MCF2L: variants seen among roughly 807,000 people sequenced by gnomAD.
MCF2L encodes MCF.2 cell line derived transforming sequence like.
In MCF2L, 97 loss-of-function variants were observed where a neutral mutation model predicts 153.4. That is an observed-to-expected ratio of 0.63 (90% CI 0.54 to 0.75). The LOEUF (loss-of-function observed/expected upper bound fraction) is 0.75. Ranked by LOEUF, MCF2L falls within the 30% of genes least tolerant of loss-of-function variation. The pLI is 0.00. For synonymous variants in MCF2L, 659 were observed against 632.2 expected (o/e 1.04, Z -0.64); for missense variants, 1,347 against 1,495.2 (o/e 0.90, Z 1.64).
rs113280407 is a variant in MCF2L at position 112,998,392 on chromosome 13, C to T, written c.80-16371C>T. On this transcript the variant is annotated intron_variant, in intron 1 of 29. Coordinates refer to ENST00000535094, the MANE Select transcript of MCF2L (RefSeq NM_001112732.3). ...GGAGGCCGTGAGCCACAGGCCTGGC[C>T]GGGGCTGTTGGGGAAATGGGCTGGG... Among the ~76,000 whole-genome samples, 5 of 152,144 alleles carry T rather than the reference C, an allele frequency of 3.3e-5. 1 individual carries two copies. Among genetic ancestry groups the T allele is most frequent in the African/African-American group, 9.6e-5 (4 of 41,494 alleles).
chr13:113,022,772 C>CGT (rs2084972342), intron 2 of MCF2L, among the ~76,000 whole-genome samples: 1 of 152,232 alleles, frequency 6.6e-6, no homozygotes, highest in African/African-American at 2.4e-5. Context: ...GAGCCCCCAC[C>CGT]GCGGCGGCGG....
At chr13:112,984,337 C>T (rs1213363895) in intron 1 of MCF2L, among the ~76,000 whole-genome samples, 3 of 151,832 alleles carry the variant, frequency 2.0e-5, no homozygotes, top group South Asian at 2.1e-4. Flanking sequence ...TGGGTTCAAG[C>T]GATTCTCCTG....
chr13:112,908,646 T>C (rs2081196781), intron 2 of MCF2L, among the ~76,000 whole-genome samples: 1 of 152,204 alleles, frequency 6.6e-6, no homozygotes, highest in Non-Finnish European at 1.5e-5. Context: ...GAAACTGTGT[T>C]TGACATGACA....
In MCF2L at chr13:112,913,061, A is replaced by G. The variant is rs369063312; in HGVS notation, c.169+10690A>G. The stretch of plus-strand genomic sequence containing the variant: ...GTGTGTCTGTGGTGTATCTGTGTAT[A>G]TGGGGTGTGTCTGTGTGATTGTGTG... On this transcript the variant is annotated intron_variant, in intron 2 of 29. Coordinates refer to the MCF2L transcript ENST00000375608. Among the ~76,000 whole-genome samples the G allele has an allele frequency of 1.1e-3, 154 of 140,230 alleles. 3 individuals carry two copies. The South Asian group carries it at 0.033, about 30-fold the overall frequency. 92.0% of individuals were successfully genotyped at this position (140,230 alleles called of 152,430 possible).
In MCF2L at chr13:113,082,540, C is replaced by T. The variant is rs1382019911; in HGVS notation, c.1989C>T (p.Asn663=). 1.9e-6 allele frequency: 3 copies of T among 1,601,860 alleles called. No individual in the cohort carries two copies. The highest frequency in any genetic ancestry group is 1.3e-5 in the African/African-American group (1 of 74,694). Residue 663 remains asparagine, a splice_region_variant and synonymous_variant, in exon 17 of 30, where the codon AAC becomes AAT. Transcript: ENST00000535094. Reference sequence around the variant, plus strand: ...TGGAGGAAATCTATCACTTCCACAACAGGTGGGCCCTTCCCCCCGACACAG... The same window carrying T: ...TGGAGGAAATCTATCACTTCCACAATAGGTGGGCCCTTCCCCCCGACACAG... The part of the protein sequence containing the change: ...GNMEEIYHFH[N]RIFLRELENY...
Position 113,075,000 on chromosome 13 carries a change from G to A in MCF2L, c.1119G>A (p.Val373=). The A allele has an allele frequency of 6.3e-7, 1 of 1,597,266 alleles. No individual in the cohort carries two copies. Among genetic ancestry groups the A allele is most frequent in the East Asian group, 2.3e-5 (1 of 44,398 alleles). The change falls in exon 11 of 30, where the codon GTG becomes GTA. Residue 373 remains valine (V), a splice_region_variant and synonymous_variant. Transcript: ENST00000535094. The surrounding 1 kb of genome is among the most constrained non-coding windows in gnomAD (Gnocchi z 4.2). ...GTCCTCTGGGTGGCCGTCCACAGGTGGCCGTGGAGAGGGCCCGGGCCCTGT... is the reference window on the plus strand; with the variant it reads ...GTCCTCTGGGTGGCCGTCCACAGGTAGCCGTGGAGAGGGCCCGGGCCCTGT... The part of the protein sequence containing the change: ...DLASFEEKSG[V]AVERARALSL...
intron 4 of MCF2L, among the ~76,000 whole-genome samples, chr13:113,049,057 A>G (rs1194188516): frequency 1.3e-5 from 2 of 152,164 alleles, no homozygotes; most frequent in Non-Finnish European, 2.9e-5. Context: ...CGCCGCCTCC[A>G]GAAGGGTTTG....
intron 2 of MCF2L, among the ~76,000 whole-genome samples, chr13:112,916,888 G>A (rs1301428998): frequency 3.3e-5 from 5 of 151,996 alleles, no homozygotes. Flanking sequence ...CCTGTCCCCT[G>A]CCTGTCCCTG....
intron 2 of MCF2L, among the ~76,000 whole-genome samples, chr13:113,022,439 C>G (rs1419552176): frequency 7.1e-6 from 1 of 140,562 alleles, no homozygotes; most frequent in East Asian, 2.3e-4. Flanking sequence ...TGCACAGGGA[C>G]GCAGGGGGTC....
chr13:113,085,217 C>T (rs772252859), intron 20 of MCF2L, 39 bp downstream of exon 20: 6 of 1,581,480 alleles, frequency 3.8e-6, no homozygotes, highest in Non-Finnish European at 5.2e-6. Flanking sequence ...CTCCCCAGCA[C>T]CTGCTGGCCA....
intron 5 of MCF2L, among the ~76,000 whole-genome samples, 191 bp downstream of exon 5, chr13:113,060,903 C>T (rs2031284337): frequency 6.6e-6 from 1 of 151,934 alleles, no homozygotes; most frequent in Non-Finnish European, 1.5e-5. Flanking sequence ...TTCCCCCACC[C>T]CCGCCCCCAG....
intron 2 of MCF2L, chr13:112,909,195 G>A (rs1253977467): frequency 5.1e-6 from 4 of 778,960 alleles, no homozygotes; most frequent in East Asian, 2.4e-5. Flanking sequence ...GTTCCCGAGG[G>A]AGCCCCTGTA....
intron 2 of MCF2L, among the ~76,000 whole-genome samples, chr13:112,914,023 A>C (rs1170410420): frequency 6.6e-6 from 1 of 152,078 alleles, no homozygotes; most frequent in Admixed American, 6.5e-5. Context: ...TAGCATCCCC[A>C]GCCCCTTCTC....
chr13:112,997,632 G>A (rs1338239513), intron 1 of MCF2L, among the ~76,000 whole-genome samples: 2 of 152,262 alleles, frequency 1.3e-5, no homozygotes, highest in Non-Finnish European at 1.5e-5. Flanking sequence ...GGGCTGACCA[G>A]GTTTGTAAAA....
In MCF2L at chr13:113,064,873, T is replaced by C; in HGVS notation, c.607-63T>C. ...GAACGGTTTCCGCCGGTGTCTGCTTTCAGGGCAGCAGGAGGTGGGTGCAGT... is the reference window on the plus strand; with the variant it reads ...GAACGGTTTCCGCCGGTGTCTGCTTCCAGGGCAGCAGGAGGTGGGTGCAGT... On this transcript the variant is annotated intron_variant, in intron 6 of 29. Coordinates refer to ENST00000535094, the MANE Select transcript of MCF2L (RefSeq NM_001112732.3). This position sits in a 1 kb window ranked among gnomAD's most constrained non-coding sequence, Gnocchi z 6.0. 1 of 1,554,252 alleles carries C rather than the reference T, an allele frequency of 6.4e-7. No individual in the cohort carries two copies. The highest frequency in any genetic ancestry group is 8.7e-7 in the Non-Finnish European group (1 of 1,145,248).
chr13:113,044,735 C>T (rs78074293), intron 3 of MCF2L: 16 of 1,612,672 alleles, frequency 9.9e-6, no homozygotes, highest in African/African-American at 1.3e-5. Flanking sequence ...ATGTGGCTGT[C>T]GCAGAGAGTG....
chr13:112,967,277 G>A (rs1329169395), upstream of MCF2L, among the ~76,000 whole-genome samples: 1 of 152,128 alleles, frequency 6.6e-6, no homozygotes, highest in Admixed American at 6.5e-5. Flanking sequence ...TGCAGACCAT[G>A]TGTAGACAGG....
At chr13:112,896,403 C>T (rs7985211) in intron 1 of MCF2L, among the ~76,000 whole-genome samples, 239 of 151,920 alleles carry the variant, frequency 1.6e-3, no homozygotes, top group African/African-American at 5.3e-3. Flanking sequence ...GGAATCTGAA[C>T]GTTTATTTTG....
At chr13:112,917,879 C>T (rs915537252) in intron 2 of MCF2L, among the ~76,000 whole-genome samples, 3 of 152,196 alleles carry the variant, frequency 2.0e-5, no homozygotes, top group African/African-American at 7.2e-5. Flanking sequence ...CCTAGCCTCA[C>T]CTGCCCACCC....
Sources: gnomAD v4.1 joint callset for allele counts (sites outside exome capture counted in the v4.1 genomes callset) on GRCh38, gnomAD v4.1.1 for gene constraint, Gnocchi (gnomAD v3.1) non-coding constraint, MANE v1.5 for transcripts, NCBI Gene and HGNC (gene_info 2026-07-23, HGNC 2026-07-21) for gene names.